MCMBP: variants seen among roughly 807,000 people sequenced by gnomAD.
MCMBP encodes mini-chromosome maintenance complex-binding protein.
In MCMBP, 31 loss-of-function variants were observed where a neutral mutation model predicts 81.3. That is an observed-to-expected ratio of 0.38 (90% CI 0.29 to 0.51). The LOEUF (loss-of-function observed/expected upper bound fraction) is 0.51, where lower values mean the gene tolerates loss of function less well. Ranked by LOEUF, MCMBP falls within the 20% of genes least tolerant of loss-of-function variation. The probability of loss-of-function intolerance (pLI) is 0.87; values close to 1 mark genes in which losing one functional copy is unlikely to be tolerated. For missense variants in MCMBP, 645 were observed against 772.1 expected (o/e 0.84, Z 1.95); for synonymous variants, 267 against 275.9 (o/e 0.97, Z 0.32).
intron 7 of MCMBP, among the ~76,000 whole-genome samples, chr10:119,848,683 TAAC>T (rs1852706142): frequency 6.6e-6 from 1 of 152,124 alleles, no homozygotes; most frequent in Non-Finnish European, 1.5e-5. Context: ...TAGAAATCCT[TAAC>T]AATCATTTCT....
At chr10:119,853,586 G>A (rs925852656) in intron 5 of MCMBP, among the ~76,000 whole-genome samples, 5 of 152,212 alleles carry the variant, frequency 3.3e-5, no homozygotes, top group African/African-American at 9.6e-5. Context: ...GGAGAAGACA[G>A]AGCACATGGT....
At chr10:119,852,370 A>G (rs1450112156) in intron 6 of MCMBP, among the ~76,000 whole-genome samples, 1 of 152,058 alleles carries the variant, frequency 6.6e-6, no homozygotes, top group African/African-American at 2.4e-5. Context: ...AAAGAAATCC[A>G]CTGCTTATAA....
chr10:119,843,055 GTA>G (rs1852492154), intron 9 of MCMBP, 197 bp downstream of exon 9: 1 of 592,744 alleles, frequency 1.7e-6, no homozygotes, highest in Admixed American at 2.5e-5. Context: ...ACCCAGCCTT[GTA>G]TACTCTTTTG....
Position 119,830,976 on chromosome 10 carries a change from G to C in MCMBP, c.*498C>G, listed in dbSNP as rs930823845. Reference sequence around the variant, plus strand: ...AAATGACAGTACAGAATTTCATGTAGTCATGTGAATCAATGGCAAGTACGC... The same window carrying C: ...AAATGACAGTACAGAATTTCATGTACTCATGTGAATCAATGGCAAGTACGC... On this transcript the variant is annotated 3_prime_UTR_variant, in exon 16 of 16. Transcript: ENST00000369077. 1.3e-5 allele frequency: 2 copies of C among 152,292 alleles called. No homozygotes were observed. The highest frequency in any genetic ancestry group is 2.9e-5 in the Non-Finnish European group (2 of 68,108). 9.4% of individuals were successfully genotyped at this position (152,292 alleles called of 1,614,324 possible).
At chr10:119,844,496 G>A (rs191208062) in intron 8 of MCMBP, among the ~76,000 whole-genome samples, 92 of 152,272 alleles carry the variant, frequency 6.0e-4, no homozygotes, top group African/African-American at 1.8e-3. Flanking sequence ...AGGAAACCAA[G>A]CCCAAGGTGA....
upstream of MCMBP, chr10:119,873,502 C>G (rs759354564): frequency 2.6e-5 from 4 of 152,280 alleles, no homozygotes; most frequent in Non-Finnish European, 5.9e-5. Flanking sequence ...CGGCGTCTGT[C>G]TGGAAGCTGG....
In MCMBP at chr10:119,836,939, T is replaced by C. The variant is rs1443879666; in HGVS notation, c.1499A>G (p.Asn500Ser). The C allele has an allele frequency of 5.0e-6, 8 of 1,613,914 alleles. No homozygotes were observed. Among genetic ancestry groups the C allele is most frequent in the Non-Finnish European group, 5.1e-6 (6 of 1,179,894 alleles). Residue 500 changes from asparagine to serine, a missense_variant, in exon 13 of 16, where the codon AAT becomes AGT. Physicochemically the swap from Asn to Ser is conservative, Grantham distance 46. Coordinates refer to ENST00000369077, the MANE Select transcript of MCMBP (RefSeq NM_001256378.2). ...CTCCGAAGTAATGAAAACGTTAATA[T>C]TGCAGGGGAATTCCATCTGATGGTA... ...FSYHQMEFPC[N>S]INVFITSEGR... is the part of the protein sequence containing the mutation.
At chr10:119,869,990 G>A (rs1043955704) in intron 1 of MCMBP, among the ~76,000 whole-genome samples, 1 of 152,180 alleles carries the variant, frequency 6.6e-6, no homozygotes, top group African/African-American at 2.4e-5. Flanking sequence ...CACCGAGGAG[G>A]TGAATTTTTA....
At chr10:119,847,422 T>TC (rs1349428720) in intron 8 of MCMBP, among the ~76,000 whole-genome samples, 191 bp downstream of exon 8, 3 of 152,166 alleles carry the variant, frequency 2.0e-5, no homozygotes, top group African/African-American at 7.2e-5. Context: ...CAACATACTT[T>TC]CAAGTGTTTC....
intron 14 of MCMBP, among the ~76,000 whole-genome samples, chr10:119,832,658 G>A (rs922561231): frequency 2.6e-5 from 4 of 152,110 alleles, no homozygotes; most frequent in African/African-American, 4.8e-5. Flanking sequence ...TGCCATTCCC[G>A]GAGAACTGTC....
In MCMBP at chr10:119,831,255, A is replaced by AATT; in HGVS notation, c.*216_*218dup. 6.4e-6 allele frequency: 2 copies of AATT among 311,670 alleles called. No homozygotes were observed. 19.3% of individuals were successfully genotyped at this position (311,670 alleles called of 1,614,324 possible). On this transcript the variant is annotated 3_prime_UTR_variant, in exon 16 of 16. Transcript: ENST00000369077. ...TTTTTACATCATTACTAATTTATAT[A>AATT]ATTATTATAAAACAAACTTCAAAAG...
chr10:119,864,720 G>C (rs751779640), intron 1 of MCMBP, among the ~76,000 whole-genome samples: 2 of 113,918 alleles, frequency 1.8e-5, no homozygotes, highest in Non-Finnish European at 3.9e-5. Context: ...TAGTTTCATA[G>C]GTGGAAGCTT....
intron 1 of MCMBP, among the ~76,000 whole-genome samples, chr10:119,870,021 A>C (rs1853612840): frequency 6.6e-6 from 1 of 152,230 alleles, no homozygotes; most frequent in South Asian, 2.1e-4. Flanking sequence ...ATTTTAATTA[A>C]TTTACATTTA....
chr10:119,863,478 T>C (rs1422234552), intron 1 of MCMBP, among the ~76,000 whole-genome samples: 1 of 152,102 alleles, frequency 6.6e-6, no homozygotes, highest in African/African-American at 2.4e-5. Context: ...ACGCCTGTAA[T>C]CCCAGCACTT....
At chr10:119,837,154 C>T (rs1852276010) in intron 12 of MCMBP, 125 bp from the exon 13 acceptor site, 1 of 950,456 alleles carries the variant, frequency 1.1e-6, no homozygotes, top group Non-Finnish European at 1.5e-6. Context: ...AGGCGCTGTC[C>T]AGTTTACTAA....
intron 1 of MCMBP, among the ~76,000 whole-genome samples, chr10:119,865,529 G>GT (rs1345633114): frequency 6.6e-6 from 1 of 152,014 alleles, no homozygotes; most frequent in African/African-American, 2.4e-5. Flanking sequence ...AAGTAAAATG[G>GT]TGCAGCCACT....
At chr10:119,869,571 C>CAAAA (rs34014446) in intron 1 of MCMBP, among the ~76,000 whole-genome samples, 2 of 141,616 alleles carry the variant, frequency 1.4e-5, no homozygotes, top group Non-Finnish European at 3.1e-5. Context: ...GACTCAGTCT[C>CAAAA]AAAAAAAAAA....
intron 5 of MCMBP, among the ~76,000 whole-genome samples, chr10:119,854,772 C>CA (rs1276994202): frequency 4.0e-5 from 6 of 151,576 alleles, no homozygotes; most frequent in Admixed American, 3.9e-4. Context: ...TCCTGGCCAA[C>CA]ATGGTGAAAC....
intron 11 of MCMBP, 22 bp from the exon 12 acceptor site, chr10:119,838,722 T>C: frequency 1.9e-6 from 3 of 1,578,532 alleles, no homozygotes; most frequent in Non-Finnish European, 2.6e-6. Context: ...AATTTTTTAG[T>C]GAACAAGAAT....
Sources: gnomAD v4.1 joint callset for allele counts (sites outside exome capture counted in the v4.1 genomes callset) on GRCh38, gnomAD v4.1.1 for gene constraint, MANE v1.5 for transcripts, NCBI Gene and HGNC (gene_info 2026-07-23, HGNC 2026-07-21) for gene names.